The following TSGA10 variants were observed in gnomAD, a reference collection of about 807,000 sequenced individuals.
TSGA10 encodes the protein testis specific 10, also known as testis-specific gene 10 protein.
A neutral mutation model predicts 96.6 loss-of-function variants in TSGA10; 43 were observed. That is an observed-to-expected ratio of 0.44 (90% CI 0.35 to 0.57). The LOEUF (loss-of-function observed/expected upper bound fraction) is 0.57, where lower values mean the gene tolerates loss of function less well. Ranked by LOEUF, TSGA10 falls within the 20% of genes least tolerant of loss-of-function variation. The pLI, the probability that TSGA10 is intolerant of heterozygous loss-of-function variation, is 0.01. For synonymous variants in TSGA10, 229 were observed against 269.9 expected (o/e 0.85, Z 1.48); for missense variants, 703 against 834.4 (o/e 0.84, Z 1.94).
At chr2:99,011,211 C>A (rs766293199) in intron 20 of TSGA10, among the ~76,000 whole-genome samples, 1 of 152,200 alleles carries the variant, frequency 6.6e-6, no homozygotes, top group Non-Finnish European at 1.5e-5. Context: ...CTGCTCACTG[C>A]AACCTCCGAC....
chr2:99,008,837 G>GA (rs1466499468), intron 20 of TSGA10, among the ~76,000 whole-genome samples: 2 of 151,946 alleles, frequency 1.3e-5, no homozygotes, highest in Non-Finnish European at 2.9e-5. Context: ...GTGTGCACCT[G>GA]AAAAAAAGGA....
At chr2:99,033,776 G>A (rs2081354181) in intron 17 of TSGA10, among the ~76,000 whole-genome samples, 2 of 152,166 alleles carry the variant, frequency 1.3e-5, no homozygotes, top group African/African-American at 2.4e-5. Flanking sequence ...GGAGGCGGAG[G>A]CTGCAGTGAG....
At chr2:99,110,658 A>T (rs2091720999) in intron 5 of TSGA10, among the ~76,000 whole-genome samples, 192 bp downstream of exon 5, 1 of 152,220 alleles carries the variant, frequency 6.6e-6, no homozygotes, top group Non-Finnish European at 1.5e-5. Flanking sequence ...AGGAATAGTG[A>T]TGAAAGCAGC....
intron 1 of TSGA10, among the ~76,000 whole-genome samples, chr2:99,152,843 G>C (rs981929029): frequency 6.6e-6 from 1 of 152,182 alleles, no homozygotes; most frequent in African/African-American, 2.4e-5. Flanking sequence ...CAGGATCCCT[G>C]GGGGGAAAGA....
chr2:99,143,286 C>T (rs912521501), intron 1 of TSGA10, among the ~76,000 whole-genome samples: 2 of 151,196 alleles, frequency 1.3e-5, no homozygotes, highest in East Asian at 1.9e-4. Flanking sequence ...GGACTACAGG[C>T]GCCCACTACT....
chr2:99,147,896 T>A (rs112322355), intron 1 of TSGA10, among the ~76,000 whole-genome samples: 3 of 152,340 alleles, frequency 2.0e-5, no homozygotes, highest in African/African-American at 7.2e-5. Context: ...ACAAGGACAT[T>A]GACTTATATA....
At chr2:98,998,596 C>A (rs2077633050) in intron 20 of TSGA10, among the ~76,000 whole-genome samples, 1 of 152,158 alleles carries the variant, frequency 6.6e-6, no homozygotes, top group Non-Finnish European at 1.5e-5. Flanking sequence ...AGGGCTACAA[C>A]TATAAATAGG....
At chr2:99,010,515 G>A (rs1253059712) in intron 20 of TSGA10, among the ~76,000 whole-genome samples, 1 of 152,248 alleles carries the variant, frequency 6.6e-6, no homozygotes, top group Non-Finnish European at 1.5e-5. Flanking sequence ...CTTATCTAGA[G>A]ATGAAAGAGA....
intron 10 of TSGA10, among the ~76,000 whole-genome samples, chr2:99,094,445 T>G (rs1435594277): frequency 1.3e-5 from 2 of 152,160 alleles, no homozygotes; most frequent in Non-Finnish European, 2.9e-5. Context: ...AAAGAAACAC[T>G]CAGCAGAGTA....
intron 10 of TSGA10, among the ~76,000 whole-genome samples, chr2:99,096,790 A>G (rs1455201051): frequency 6.6e-6 from 1 of 152,226 alleles, no homozygotes; most frequent in Non-Finnish European, 1.5e-5. Context: ...ACACTTTAAA[A>G]GAAGTGATGT....
intron 9 of TSGA10, among the ~76,000 whole-genome samples, chr2:99,104,865 C>A (rs912553793): frequency 2.6e-5 from 4 of 152,104 alleles, no homozygotes; most frequent in Non-Finnish European, 4.4e-5. Context: ...AAGTTAAATT[C>A]TCTTATGTTT....
intron 16 of TSGA10, among the ~76,000 whole-genome samples, chr2:99,053,511 C>T (rs535679003): frequency 3.0e-4 from 45 of 152,244 alleles, no homozygotes; most frequent in Non-Finnish European, 5.0e-4. Flanking sequence ...GGATAAAAGT[C>T]GTATGATAAT....
Position 99,108,848 on chromosome 2 carries a change from G to T in TSGA10, c.195C>A (p.Phe65Leu). The T allele has an allele frequency of 6.4e-7, 1 of 1,572,856 alleles. No individual in the cohort carries two copies. The highest frequency in any genetic ancestry group is 8.6e-7 in the Non-Finnish European group (1 of 1,166,992). The change falls in exon 7 of 21, where the codon TTC (phenylalanine) becomes TTA (leucine). Residue 65 changes from phenylalanine (F) to leucine (L), a missense_variant. Coordinates refer to ENST00000393483, the MANE Select transcript of TSGA10 (RefSeq NM_025244.4). Reference sequence around the variant, plus strand: ...GTAAGTTTACCTGTTCATAAAGAAGGAAGATCTTGTCTCTCTCAGATTTAA... The same window carrying T: ...GTAAGTTTACCTGTTCATAAAGAAGTAAGATCTTGTCTCTCTCAGATTTAA... Reference protein sequence around the residue: ...KVLKSERDKIFLLYEQAQEEI... With the variant: ...KVLKSERDKILLLYEQAQEEI...
At chr2:99,073,117 T>C in intron 12 of TSGA10, 44 bp from the exon 13 acceptor site, 1 of 1,298,792 alleles carries the variant, frequency 7.7e-7, no homozygotes, top group Non-Finnish European at 1.1e-6. Context: ...TCTTAAGCTG[T>C]TATTTCTGTT....
At chr2:99,015,613 G>C (rs1355695442) in intron 20 of TSGA10, among the ~76,000 whole-genome samples, 1 of 152,002 alleles carries the variant, frequency 6.6e-6, no homozygotes, top group Admixed American at 6.6e-5. Context: ...CACTTTCATC[G>C]CTTCTATTCA....
chr2:99,000,561 G>A (rs939891967), intron 20 of TSGA10, among the ~76,000 whole-genome samples: 1 of 151,626 alleles, frequency 6.6e-6, no homozygotes, highest in African/African-American at 2.4e-5. Flanking sequence ...AATAGGAAGA[G>A]CTGCAGTCCA....
Position 99,102,450 on chromosome 2 carries a change from G to A in TSGA10, c.611+1517C>T. The A allele has an allele frequency of 4.3e-6, 7 of 1,613,836 alleles. No homozygotes were observed. The South Asian group carries it at 5.5e-5, about 13-fold the overall frequency. ...GAGAGAAATGCAACAGCTTTCAGGT[G>A]GACAGAAATCCTTGGTAGCCCTTGC... On this transcript the variant is annotated intron_variant, in intron 10 of 20. Transcript: ENST00000393483.
At chr2:99,120,350 C>G (rs1439826886) in intron 2 of TSGA10, among the ~76,000 whole-genome samples, 1 of 152,104 alleles carries the variant, frequency 6.6e-6, no homozygotes, top group African/African-American at 2.4e-5. Context: ...GATATGGGCT[C>G]TGGACTTCGG....
At chr2:99,045,252 C>T (rs367675142) in intron 16 of TSGA10, among the ~76,000 whole-genome samples, 51 of 152,054 alleles carry the variant, frequency 3.4e-4, no homozygotes, top group African/African-American at 9.9e-4. Context: ...AGATACTCCT[C>T]GAGAAGGGCA....
Sources: allele counts gnomAD v4.1 joint callset (sites outside exome capture counted in the v4.1 genomes callset), GRCh38; gene constraint gnomAD v4.1.1; transcripts MANE v1.5; gene names NCBI Gene and HGNC (gene_info 2026-07-23, HGNC 2026-07-21).